The following ALDH8A1 variants were observed in gnomAD, a reference collection of about 807,000 sequenced individuals.
ALDH8A1 encodes 2-aminomuconic semialdehyde dehydrogenase.
Under a neutral mutation model 43.3 loss-of-function variants are expected in ALDH8A1, and 39 were observed. The observed-to-expected ratio is 0.90, with a 90% CI of 0.70 to 1.18. The LOEUF is 1.18. ALDH8A1 is among the 50% of genes most tolerant of loss of function. ALDH8A1 has a pLI of 0.00. For missense variants in ALDH8A1, 605 were observed against 622.6 expected, an observed-to-expected ratio of 0.97 and a Z score of 0.30; for synonymous variants, 233 against 243.5, an observed-to-expected ratio of 0.96 and a Z score of 0.40.
rs76162753 is a variant in ALDH8A1, at chr6:134,925,750, G to A, written c.1011+3304C>T. ...TGCATGTCAGATGACAGTAAGAACC[G>A]TGGAGAAAAATAAAGCTCCAAAGAA... On this transcript the variant is annotated intron_variant, in intron 6 of 6. Transcript: ENST00000265605. Among the ~76,000 whole-genome samples, 257 of 152,294 alleles carry A rather than the reference G, an allele frequency of 1.7e-3. 1 individual carries two copies. Among genetic ancestry groups the A allele is most frequent in the African/African-American group, 5.8e-3 (241 of 41,568 alleles).
chr6:134,949,134 T>C (rs184114527), intron 1 of ALDH8A1, among the ~76,000 whole-genome samples: 3 of 152,306 alleles, frequency 2.0e-5, no homozygotes, highest in Non-Finnish European at 4.4e-5. Context: ...ATCTAGTTAT[T>C]TGTGCCTTAA....
intron 5 of ALDH8A1, 56 bp downstream of exon 5, chr6:134,932,720 C>T: frequency 6.3e-7 from 1 of 1,586,374 alleles, no homozygotes; most frequent in South Asian, 1.2e-5. Flanking sequence ...TGTGATAAAA[C>T]AGATCCAGCT....
chr6:134,942,642 C>T, intron 2 of ALDH8A1, 78 bp from the exon 3 acceptor site: 3 of 1,419,410 alleles, frequency 2.1e-6, no homozygotes, highest in South Asian at 1.4e-5. Flanking sequence ...CCCACGCGTC[C>T]CAACTCACAC....
Position 134,930,767 on chromosome 6 carries a change from G to A in ALDH8A1, c.850-1552C>T, listed in dbSNP as rs1460039709. Among the ~76,000 whole-genome samples the A allele has an allele frequency of 3.9e-5, 6 of 152,228 alleles. No homozygotes were observed. The East Asian group carries it at 1.2e-3, about 29-fold the overall frequency. On this transcript the variant is annotated intron_variant, in intron 5 of 6. Transcript: ENST00000265605. Reference sequence around the variant, plus strand: ...AGAGGGGTTTACCCAGTTCCCTGTTGCTCTGTGCCTAGAAAGCGTAGGTAA... The same window carrying A: ...AGAGGGGTTTACCCAGTTCCCTGTTACTCTGTGCCTAGAAAGCGTAGGTAA...
chr6:134,936,435 C>G (rs932462432), intron 4 of ALDH8A1, among the ~76,000 whole-genome samples: 1 of 152,172 alleles, frequency 6.6e-6, no homozygotes, highest in Non-Finnish European at 1.5e-5. Context: ...GTAGGTGATG[C>G]GACGAAACAA....
chr6:134,940,627 C>T (rs749982578), intron 3 of ALDH8A1, among the ~76,000 whole-genome samples: 1 of 152,142 alleles, frequency 6.6e-6, no homozygotes, highest in South Asian at 2.1e-4. Context: ...GGATGAGTAA[C>T]GTAACCAGCA....
chr6:134,930,427 T>C (rs1776964249), intron 5 of ALDH8A1, among the ~76,000 whole-genome samples: 1 of 152,214 alleles, frequency 6.6e-6, no homozygotes, highest in East Asian at 1.9e-4. Context: ...AGAGTTGGCA[T>C]GTAACCACAT....
rs528743743 is a variant in ALDH8A1, at chr6:134,920,359, G to A, written c.1012-1492C>T. On this transcript the variant is annotated intron_variant, in intron 6 of 6. Coordinates refer to ENST00000265605, the MANE Select transcript of ALDH8A1 (RefSeq NM_022568.4). Reference sequence around the variant, plus strand: ...AATAAGTTTGTACCTCTCTTGATCCGTACCCTCTTTCTTTTTTTGAAAATA... The same window carrying A: ...AATAAGTTTGTACCTCTCTTGATCCATACCCTCTTTCTTTTTTTGAAAATA... Among the ~76,000 whole-genome samples, 9 of 152,098 alleles carry A rather than the reference G, an allele frequency of 5.9e-5. No individual in the cohort carries two copies. In the South Asian group the frequency reaches 1.7e-3, roughly 28 times the overall value.
rs772638925 is a variant in ALDH8A1, at chr6:134,950,080, T to C, written c.-27A>G. 1.3e-6 allele frequency: 2 copies of C among 1,592,478 alleles called. No homozygotes were observed. ...GCAAGGAAAAATTCTGCCTTTCCTCTTTACGACTGAGCACTCAGGTTGTCC... is the reference window on the plus strand; with the variant it reads ...GCAAGGAAAAATTCTGCCTTTCCTCCTTACGACTGAGCACTCAGGTTGTCC... On this transcript the variant is annotated 5_prime_UTR_variant, in exon 1 of 7. Transcript: ENST00000265605.
chr6:134,921,187 GT>G (rs1322060148), intron 6 of ALDH8A1, among the ~76,000 whole-genome samples: 1 of 152,122 alleles, frequency 6.6e-6, no homozygotes, highest in African/African-American at 2.4e-5. Flanking sequence ...TGTAGGTCAG[GT>G]TTTTTATCTG....
chr6:134,922,907 T>C (rs1329316730), intron 6 of ALDH8A1, among the ~76,000 whole-genome samples: 1 of 152,186 alleles, frequency 6.6e-6, no homozygotes, highest in Non-Finnish European at 1.5e-5. Context: ...TTTGTTAGCA[T>C]GAACAGATGT....
At position 134,917,899 on chromosome 6, in the gene ALDH8A1, G is replaced by T; in HGVS notation, c.*516C>A. On this transcript the variant is annotated 3_prime_UTR_variant, in exon 7 of 7. Transcript: ENST00000265605. The stretch of plus-strand genomic sequence containing the variant: ...CACCTCAGCCTCCCAAGTAGCTGGG[G>T]CTATAGGCAGAGGGCACCACACCAA... 6.4e-6 allele frequency: 1 copy of T among 157,462 alleles called. No homozygotes were observed. Among genetic ancestry groups the T allele is most frequent in the Non-Finnish European group, 1.4e-5 (1 of 71,580 alleles). The allele number at this position is 157,462 out of a possible 1,614,324, so 9.8% of individuals were successfully genotyped here.
intron 5 of ALDH8A1, among the ~76,000 whole-genome samples, chr6:134,931,356 C>T (rs918388237): frequency 4.6e-5 from 7 of 152,118 alleles, no homozygotes; most frequent in African/African-American, 7.2e-5. Context: ...CTCCACCTCC[C>T]GGATTTAAGA....
rs372162070 is a variant in ALDH8A1 at position 134,943,104 on chromosome 6, G to A, written c.287-540C>T. On this transcript the variant is annotated intron_variant, in intron 2 of 6. Coordinates refer to ENST00000265605, the MANE Select transcript of ALDH8A1 (RefSeq NM_022568.4). ...CCCTGCACGTCCTAGCTCCTGGATG[G>A]AACAGAAAGAGAAACAGAAGCTTAC... Among the ~76,000 whole-genome samples the A allele has an allele frequency of 6.3e-4, 96 of 152,328 alleles. No homozygotes were observed. The South Asian group carries it at 0.019, about 30-fold the overall frequency.
At chr6:134,936,568 G>A (rs966045732) in intron 4 of ALDH8A1, among the ~76,000 whole-genome samples, 1 of 152,138 alleles carries the variant, frequency 6.6e-6, no homozygotes, top group African/African-American at 2.4e-5. Flanking sequence ...CAATCCTGAA[G>A]GCAAAAAATG....
chr6:134,923,904 G>A (rs189988810), intron 6 of ALDH8A1, among the ~76,000 whole-genome samples: 5 of 152,270 alleles, frequency 3.3e-5, no homozygotes, highest in African/African-American at 4.8e-5. Flanking sequence ...AAGGTGCAAG[G>A]GAAAGGGACG....
chr6:134,932,601 A>T (rs954475176), intron 5 of ALDH8A1, among the ~76,000 whole-genome samples, 175 bp downstream of exon 5: 2 of 152,192 alleles, frequency 1.3e-5, no homozygotes, highest in Admixed American at 1.3e-4. Flanking sequence ...CTGCAAGGCC[A>T]CTAATTAATG....
intron 4 of ALDH8A1, 23 bp downstream of exon 4, chr6:134,939,243 C>T (rs1223136805): frequency 6.2e-7 from 1 of 1,611,418 alleles, no homozygotes; most frequent in Non-Finnish European, 8.5e-7. Flanking sequence ...TGTGCCTGCC[C>T]CCCAACCCCA....
Position 134,943,974 on chromosome 6 carries a change from G to A in ALDH8A1, c.139-8C>T. The A allele has an allele frequency of 6.2e-7, 1 of 1,612,640 alleles. No individual in the cohort carries two copies. The highest frequency in any genetic ancestry group is 2.2e-5 in the East Asian group (1 of 44,870). On this transcript the variant is annotated splice_region_variant and splice_polypyrimidine_tract_variant and intron_variant, in intron 1 of 6. Transcript: ENST00000265605. ...CTTGACCGCGGCTTCGATCTTTGAG[G>A]AGCAAATGGGAGAAAGGGTCACCTT... is the stretch of plus-strand genomic sequence containing the variant.
Sources: allele counts gnomAD v4.1 joint callset (sites outside exome capture counted in the v4.1 genomes callset), GRCh38; gene constraint gnomAD v4.1.1; transcripts MANE v1.5; gene names NCBI Gene and HGNC (gene_info 2026-07-23, HGNC 2026-07-21).